The following TECRL variants were observed in gnomAD, a reference collection of about 807,000 sequenced individuals.
TECRL encodes trans-2,3-enoyl-CoA reductase like, also known as trans-2,3-enoyl-CoA reductase-like.
Under a neutral mutation model 52.8 loss-of-function variants are expected in TECRL, and 63 were observed. The ratio of observed to expected loss-of-function variants is 1.19; its 90% CI spans 0.97 to 1.47. The LOEUF is 1.47. Among genes scored for constraint, TECRL ranks in the 40% most tolerant of loss-of-function variants. The pLI is 0.00. For missense variants in TECRL, 482 were observed against 429.6 expected (o/e 1.12, Z -1.08); for synonymous variants, 164 against 141.9 (o/e 1.16, Z -1.10).
chr4:64,370,547 T>G (rs1460148333), intron 2 of TECRL, among the ~76,000 whole-genome samples: 2 of 151,836 alleles, frequency 1.3e-5, no homozygotes, highest in Non-Finnish European at 2.9e-5. Flanking sequence ...TGCAAATAAT[T>G]TTTATCAATT....
intron 2 of TECRL, among the ~76,000 whole-genome samples, chr4:64,339,835 T>TGAATAA (rs1719424811): frequency 6.6e-6 from 1 of 152,176 alleles, no homozygotes; most frequent in African/African-American, 2.4e-5. Flanking sequence ...ATTCCTTGAT[T>TGAATAA]TTCCAAGAAT....
chr4:64,347,840 C>A (rs1286383853), intron 2 of TECRL, among the ~76,000 whole-genome samples: 1 of 152,016 alleles, frequency 6.6e-6, no homozygotes, highest in Non-Finnish European at 1.5e-5. Context: ...TATCATTTAC[C>A]CCATGGCGCC....
Position 64,322,255 on chromosome 4 carries a change from GT to G in TECRL, c.435+433del, listed in dbSNP as rs1462238414. On this transcript the variant is annotated intron_variant, in intron 4 of 11. Transcript: ENST00000381210. ...TTCTTCCCTGCTATATAAACCCCTAGTTTTAGTCAGTCAGGCAGATGGATGT... is the reference window on the plus strand; with the variant it reads ...TTCTTCCCTGCTATATAAACCCCTAGTTTAGTCAGTCAGGCAGATGGATGT... 3.9e-5 allele frequency among the ~76,000 whole-genome samples: 6 copies of G among 151,976 alleles called. No homozygotes were observed. The East Asian group carries it at 1.2e-3, about 30-fold the overall frequency.
intron 1 of TECRL, among the ~76,000 whole-genome samples, chr4:64,388,220 CTTT>C (rs3045235): frequency 7.9e-6 from 1 of 127,122 alleles, no homozygotes; most frequent in Non-Finnish European, 1.6e-5. Flanking sequence ...AGTCTAAATC[CTTT>C]TTTTTTTTTT....
intron 7 of TECRL, among the ~76,000 whole-genome samples, chr4:64,303,651 C>T (rs533459075): frequency 1.2e-4 from 18 of 151,712 alleles, no homozygotes; most frequent in African/African-American, 4.3e-4. Flanking sequence ...TAAAATGTGC[C>T]AACCATTTAG....
At chr4:64,293,423 G>A (rs559978844) in intron 8 of TECRL, among the ~76,000 whole-genome samples, 9 of 152,040 alleles carry the variant, frequency 5.9e-5, no homozygotes, top group African/African-American at 2.2e-4. Flanking sequence ...GCAGCATACC[G>A]TGCTCTACAA....
intron 1 of TECRL, among the ~76,000 whole-genome samples, chr4:64,378,932 G>T (rs1012110237): frequency 2.3e-5 from 2 of 87,594 alleles, no homozygotes; most frequent in African/African-American, 7.1e-5. Flanking sequence ...TTAGTTCTTT[G>T]TTAAGTAAAA....
chr4:64,333,403 G>T (rs938164524), intron 2 of TECRL, among the ~76,000 whole-genome samples: 1 of 152,032 alleles, frequency 6.6e-6, no homozygotes, highest in Non-Finnish European at 1.5e-5. Context: ...GGACCAATTT[G>T]AGAAAAAGAA....
chr4:64,385,634 G>A (rs1723123645), intron 1 of TECRL, among the ~76,000 whole-genome samples: 1 of 152,106 alleles, frequency 6.6e-6, no homozygotes, highest in Non-Finnish European at 1.5e-5. Flanking sequence ...GGAGATGCAG[G>A]GGTTGTTGGG....
intron 9 of TECRL, among the ~76,000 whole-genome samples, chr4:64,282,781 T>C (rs1722892365): frequency 6.6e-6 from 1 of 152,042 alleles, no homozygotes; most frequent in South Asian, 2.1e-4. Flanking sequence ...AATATATGTA[T>C]ATAGATAATA....
chr4:64,361,885 A>G (rs999408511), intron 2 of TECRL, among the ~76,000 whole-genome samples: 1 of 152,190 alleles, frequency 6.6e-6, no homozygotes, highest in South Asian at 2.1e-4. Flanking sequence ...TCACAGACAT[A>G]GAATTCAGAA....
chr4:64,353,241 T>A (rs1217304990), intron 2 of TECRL, among the ~76,000 whole-genome samples: 1 of 152,070 alleles, frequency 6.6e-6, no homozygotes, highest in African/African-American at 2.4e-5. Flanking sequence ...AAAGTAAAAA[T>A]CGAAAAATTC....
chr4:64,361,607 C>A (rs1328694596), intron 2 of TECRL, among the ~76,000 whole-genome samples: 1 of 152,104 alleles, frequency 6.6e-6, no homozygotes, highest in Non-Finnish European at 1.5e-5. Context: ...CTGAGCTAAA[C>A]CTACACTGCC....
chr4:64,298,742 A>C (rs1723834604), intron 8 of TECRL: 2 of 151,278 alleles, frequency 1.3e-5, no homozygotes, highest in South Asian at 4.1e-4. Context: ...GGAGGAGAAA[A>C]AGTAGACTAA....
intron 8 of TECRL, among the ~76,000 whole-genome samples, chr4:64,297,389 A>G (rs1300346759): frequency 6.6e-6 from 1 of 151,220 alleles, no homozygotes; most frequent in Non-Finnish European, 1.5e-5. Context: ...ATATTAAAAG[A>G]GTACATAGGT....
chr4:64,386,069 G>A (rs1484986494), intron 1 of TECRL, among the ~76,000 whole-genome samples: 2 of 152,064 alleles, frequency 1.3e-5, no homozygotes, highest in Non-Finnish European at 2.9e-5. Context: ...AATGTCAGGT[G>A]CCTCTAGTCA....
intron 3 of TECRL, among the ~76,000 whole-genome samples, chr4:64,324,930 T>C (rs1206652123): frequency 6.6e-6 from 1 of 152,174 alleles, no homozygotes; most frequent in Admixed American, 6.6e-5. Flanking sequence ...GCATATGATA[T>C]AGGCTATTAC....
chr4:64,277,131 C>A, downstream of TECRL: 3 of 965,686 alleles, frequency 3.1e-6, no homozygotes, highest in South Asian at 1.7e-5. Flanking sequence ...TGTCTGCCAA[C>A]AGTAAGGGAA....
chr4:64,282,948 A>C (rs1054026728), intron 9 of TECRL, among the ~76,000 whole-genome samples: 3 of 152,034 alleles, frequency 2.0e-5, no homozygotes, highest in Admixed American at 2.0e-4. Flanking sequence ...TTACATTAAA[A>C]TGCTGCCCCA....
Sources: allele counts gnomAD v4.1 joint callset (sites outside exome capture counted in the v4.1 genomes callset), GRCh38; gene constraint gnomAD v4.1.1; transcripts MANE v1.5; gene names NCBI Gene and HGNC (gene_info 2026-07-23, HGNC 2026-07-21).